ALDH5A1: variants seen among roughly 807,000 people sequenced by gnomAD.
ALDH5A1 encodes the protein aldehyde dehydrogenase 5 family member A1.
A neutral mutation model predicts 54.7 loss-of-function variants in ALDH5A1; 33 were observed. The ratio of observed to expected loss-of-function variants is 0.60; its 90% CI spans 0.46 to 0.81. The LOEUF (loss-of-function observed/expected upper bound fraction) is 0.81. Among genes scored for constraint, ALDH5A1 ranks in the 30% least tolerant of loss-of-function variants. The pLI is 0.00. For synonymous variants in ALDH5A1, 294 were observed against 292.7 expected, an observed-to-expected ratio of 1.00 and a Z score of -0.05; for missense variants, 657 against 711.0, an observed-to-expected ratio of 0.92 and a Z score of 0.86.
chr6:24,528,130 A>C lies in ALDH5A1; in HGVS notation c.1307A>C (p.His436Pro). 6.2e-7 allele frequency: 1 copy of C among 1,613,990 alleles called. No homozygotes were observed. The highest frequency in any genetic ancestry group is 8.5e-7 in the Non-Finnish European group (1 of 1,179,916). Residue 436 changes from histidine (H) to proline (P), a missense_variant, in exon 8 of 10, where the codon CAT becomes CCT. Transcript: ENST00000357578. ...GTCACCCAGGACATGCTGTGCACTCATGAAGAGACTTTCGGGCCTCTGGCA... is the reference window on the plus strand; with the variant it reads ...GTCACCCAGGACATGCTGTGCACTCCTGAAGAGACTTTCGGGCCTCTGGCA... Reference protein sequence around the residue: ...CNVTQDMLCTHEETFGPLAPV... With the variant: ...CNVTQDMLCTPEETFGPLAPV...
rs1252736361 is a variant in ALDH5A1, at chr6:24,508,372, A to AT, written c.726+3387_726+3388insT. Among the ~76,000 whole-genome samples the AT allele has an allele frequency of 7.2e-4, 36 of 50,186 alleles. 1 individual carries two copies. Among genetic ancestry groups the AT allele is most frequent in the African/African-American group, 2.1e-3 (34 of 16,004 alleles). The allele number at this position is 50,186 out of a possible 152,430, so 32.9% of individuals were successfully genotyped here. The stretch of plus-strand genomic sequence containing the variant: ...CAAGACTCCATCTCCAAAAAAAAAA[A>AT]AAAAAAAAAAAAAAAAGATTAATAG... On this transcript the variant is annotated intron_variant, in intron 4 of 9. Coordinates refer to ENST00000357578, the MANE Select transcript of ALDH5A1 (RefSeq NM_001080.3).
At chr6:24,523,763 A>G (rs1759748706) in intron 7 of ALDH5A1, among the ~76,000 whole-genome samples, 1 of 152,188 alleles carries the variant, frequency 6.6e-6, no homozygotes, top group Non-Finnish European at 1.5e-5. Context: ...ACAGTCCTTC[A>G]TGAAAGTATC....
intron 4 of ALDH5A1, among the ~76,000 whole-genome samples, chr6:24,514,385 G>A (rs1006912501): frequency 6.6e-6 from 1 of 152,118 alleles, no homozygotes; most frequent in Non-Finnish European, 1.5e-5. Flanking sequence ...TTTTTCTCAG[G>A]GCAGAAATTC....
rs1044029896 is a variant in ALDH5A1, at chr6:24,520,649, CGT to C, written c.1014+116_1014+117del. The C allele has an allele frequency of 7.5e-4, 951 of 1,264,954 alleles. 1 individual carries two copies. Among genetic ancestry groups the C allele is most frequent in the Middle Eastern group, 1.4e-3 (5 of 3,530 alleles). 78.4% of individuals were successfully genotyped at this position (1,264,954 alleles called of 1,614,324 possible). On this transcript the variant is annotated intron_variant, in intron 6 of 9. Transcript: ENST00000357578. ...GTGCATGTGAGTGTGTGTGTGTGTG[CGT>C]GTGTGTGTGTTACAAAGATCCCACC... is the stretch of plus-strand genomic sequence containing the variant.
At chr6:24,512,216 C>T (rs1035567364) in intron 4 of ALDH5A1, among the ~76,000 whole-genome samples, 2 of 152,232 alleles carry the variant, frequency 1.3e-5, no homozygotes, top group Non-Finnish European at 2.9e-5. Context: ...GATACCAGCA[C>T]AGTATTTGGG....
intron 8 of ALDH5A1, among the ~76,000 whole-genome samples, chr6:24,528,853 A>C: frequency 1.5e-5 from 2 of 133,888 alleles, no homozygotes; most frequent in South Asian, 4.9e-4. Context: ...ATTTTTTGTA[A>C]TCTAGTAGAG....
chr6:24,511,188 TCTG>T (rs529862851), intron 4 of ALDH5A1, among the ~76,000 whole-genome samples: 2 of 152,150 alleles, frequency 1.3e-5, no homozygotes, highest in Non-Finnish European at 2.9e-5. Context: ...TGCTGAGAAA[TCTG>T]CTAATCTGAT....
At chr6:24,506,594 T>C (rs1759363565) in intron 4 of ALDH5A1, among the ~76,000 whole-genome samples, 1 of 152,170 alleles carries the variant, frequency 6.6e-6, no homozygotes, top group Non-Finnish European at 1.5e-5. Flanking sequence ...TGAATTAATA[T>C]TCTGTATGTA....
At chr6:24,525,911 G>A (rs1759789899) in intron 7 of ALDH5A1, among the ~76,000 whole-genome samples, 1 of 152,086 alleles carries the variant, frequency 6.6e-6, no homozygotes, top group South Asian at 2.1e-4. Context: ...CCACCACCAA[G>A]ACACATGAGA....
At position 24,533,637 on chromosome 6, in the gene ALDH5A1, C is replaced by A; in HGVS notation, c.1533C>A (p.Gly511=). 2 of 1,613,966 alleles carry A rather than the reference C, an allele frequency of 1.2e-6. No homozygotes were observed. Among genetic ancestry groups the A allele is most frequent in the Non-Finnish European group, 1.7e-6 (2 of 1,180,006 alleles). ...CTTTTGGTGGAGTGAAGCAGTCCGG[C>A]CTTGGGCGAGAGGGGTCCAAGTATG... ...ECPFGGVKQS[G]LGREGSKYGI... Residue 511 remains glycine (G), a synonymous_variant, in exon 10 of 10, where the codon GGC becomes GGA. Transcript: ENST00000357578.
In ALDH5A1 at chr6:24,495,026, T is replaced by G; in HGVS notation, c.30T>G (p.Cys10Trp). The G allele has an allele frequency of 3.0e-6, 4 of 1,343,244 alleles. No individual in the cohort carries two copies. Among genetic ancestry groups the G allele is most frequent in the Non-Finnish European group, 3.8e-6 (4 of 1,050,572 alleles). 83.2% of individuals were successfully genotyped at this position (1,343,244 alleles called of 1,614,324 possible). The change falls in exon 1 of 10, where the codon TGT becomes TGG. Residue 10 changes from cysteine to tryptophan, a missense_variant. Physicochemically the swap from Cys to Trp is radical, Grantham distance 215. This residue lies in a region of ALDH5A1 where 232 missense variants were observed against 194.6 expected (regional missense o/e 1.19). Transcript: ENST00000357578. MATCIWLRS[C>W]GARRLGSTFP... is the part of the protein sequence containing the mutation. Reference sequence around the variant, plus strand: ...CGACCTGCATTTGGCTGCGGAGCTGTGGGGCCCGGCGCCTCGGGTCGACGT... The same window carrying G: ...CGACCTGCATTTGGCTGCGGAGCTGGGGGGCCCGGCGCCTCGGGTCGACGT...
At chr6:24,503,174 TC>T (rs922398513) in intron 2 of ALDH5A1, 88 bp from the exon 3 acceptor site, 2 of 1,499,782 alleles carry the variant, frequency 1.3e-6, no homozygotes, top group Non-Finnish European at 1.8e-6. Context: ...ACTTTTCTAC[TC>T]TTGTTGCATC....
At chr6:24,526,607 C>T (rs1462948447) in intron 7 of ALDH5A1, among the ~76,000 whole-genome samples, 2 of 150,332 alleles carry the variant, frequency 1.3e-5, no homozygotes, top group African/African-American at 2.4e-5. Context: ...TATAGAGAGG[C>T]AAAAAATATA....
intron 4 of ALDH5A1, among the ~76,000 whole-genome samples, chr6:24,507,213 T>G (rs976891638): frequency 2.0e-5 from 3 of 152,232 alleles, no homozygotes; most frequent in African/African-American, 7.2e-5. Flanking sequence ...AACCTCAGTC[T>G]GTAGTAGATT....
chr6:24,500,771 T>G (rs1423674637), intron 1 of ALDH5A1, among the ~76,000 whole-genome samples: 1 of 152,028 alleles, frequency 6.6e-6, no homozygotes, highest in Non-Finnish European at 1.5e-5. Flanking sequence ...AAACTTATTT[T>G]ATCTTTTATA....
rs373315916 is a variant in ALDH5A1, at chr6:24,495,028, G to A, written c.32G>A (p.Gly11Glu). ...ACCTGCATTTGGCTGCGGAGCTGTG[G>A]GGCCCGGCGCCTCGGGTCGACGTTT... MATCIWLRSC[G>E]ARRLGSTFPG... The change falls in exon 1 of 10, where the codon GGG becomes GAG. Residue 11 changes from glycine (G) to glutamate (E), a missense_variant. This residue lies in a region of ALDH5A1 where 232 missense variants were observed against 194.6 expected (regional missense o/e 1.19). Coordinates refer to ENST00000357578, the MANE Select transcript of ALDH5A1 (RefSeq NM_001080.3). 22 of 1,345,668 alleles carry A rather than the reference G, an allele frequency of 1.6e-5. No homozygotes were observed. The African/African-American group carries it at 2.4e-4, about 15-fold the overall frequency. 83.4% of individuals were successfully genotyped at this position (1,345,668 alleles called of 1,614,324 possible).
At chr6:24,505,454 A>T (rs1759320693) in intron 4 of ALDH5A1, among the ~76,000 whole-genome samples, 1 of 150,814 alleles carries the variant, frequency 6.6e-6, no homozygotes, top group Admixed American at 6.6e-5. Context: ...TATGTCTCTG[A>T]CTTCGTCCAT....
intron 4 of ALDH5A1, among the ~76,000 whole-genome samples, chr6:24,514,143 C>T (rs1248469771): frequency 6.6e-6 from 1 of 152,166 alleles, no homozygotes; most frequent in African/African-American, 2.4e-5. Context: ...CATGAGTGTC[C>T]AGATCAGGTA....
At chr6:24,501,935 GTGTGTATATATATATGTGTA>G (rs1297342510) in intron 1 of ALDH5A1, among the ~76,000 whole-genome samples, 1 of 147,098 alleles carries the variant, frequency 6.8e-6, no homozygotes, top group Non-Finnish European at 1.5e-5. Flanking sequence ...ATATGTGTGT[GTGTGTATATATATATGTGTA>G]TGTGTGTATA....
Sources: allele counts gnomAD v4.1 joint callset (sites outside exome capture counted in the v4.1 genomes callset), GRCh38; gene constraint gnomAD v4.1.1; regional missense constraint gnomAD v4.1.1; transcripts MANE v1.5; gene names NCBI Gene and HGNC (gene_info 2026-07-23, HGNC 2026-07-21).